Variants in VAV2 observed in about 807,000 individuals in gnomAD.
VAV2 encodes guanine nucleotide exchange factor VAV2.
VAV2 carries 67 observed loss-of-function variants against 132.5 expected under a neutral mutation model. The ratio of observed to expected loss-of-function variants is 0.51; its 90% CI spans 0.42 to 0.62. The LOEUF (loss-of-function observed/expected upper bound fraction) is 0.62, where lower values mean the gene tolerates loss of function less well. Ranked by LOEUF, VAV2 falls within the 20% of genes least tolerant of loss-of-function variation. VAV2 has a pLI of 0.00. For synonymous variants in VAV2, 492 were observed against 443.5 expected, an observed-to-expected ratio of 1.11 and a Z score of -1.37; for missense variants, 938 against 1,153.6, an observed-to-expected ratio of 0.81 and a Z score of 2.71.
intron 3 of VAV2, among the ~76,000 whole-genome samples, chr9:133,852,829 G>T (rs145964186): frequency 2.6e-5 from 4 of 152,130 alleles, no homozygotes; most frequent in Non-Finnish European, 4.4e-5. Context: ...CCTGCCACTC[G>T]GCTAGGGGTG....
Position 133,834,588 on chromosome 9 carries a change from G to A in VAV2, c.381-248C>T, listed in dbSNP as rs182522459. 2.0e-5 allele frequency among the ~76,000 whole-genome samples: 3 copies of A among 152,364 alleles called. No individual in the cohort carries two copies. The highest frequency in any genetic ancestry group is 3.9e-4 in the East Asian group (2 of 5,180). On this transcript the variant is annotated intron_variant, in intron 3 of 29. Coordinates refer to ENST00000371850, the MANE Select transcript of VAV2 (RefSeq NM_001134398.2). This position sits in a 1 kb window ranked among gnomAD's most constrained non-coding sequence, Gnocchi z 5.9. ...GCAAGGAATGTGTCACGCCCACTCC[G>A]GGCTCCGGGTGTCCAGTGGGAAGAC...
chr9:133,847,962 A>G (rs1179192967), intron 3 of VAV2, among the ~76,000 whole-genome samples: 1 of 152,150 alleles, frequency 6.6e-6, no homozygotes, highest in Non-Finnish European at 1.5e-5. Context: ...CTTCAACAGC[A>G]ATGGGTCTCC....
intron 19 of VAV2, among the ~76,000 whole-genome samples, chr9:133,782,107 G>A (rs546672208): frequency 3.6e-5 from 5 of 138,812 alleles, no homozygotes; most frequent in South Asian, 2.2e-4. Context: ...CGGCGGGGGC[G>A]GGGCGGGGGA....
chr9:133,851,184 T>G (rs1387785480), intron 3 of VAV2, among the ~76,000 whole-genome samples: 1 of 152,196 alleles, frequency 6.6e-6, no homozygotes, highest in Non-Finnish European at 1.5e-5. Flanking sequence ...GGAGACAACT[T>G]TGCAGCCATG....
chr9:133,869,987 A>T lies in VAV2; in HGVS notation c.322-8555T>A, dbSNP rs575282331. 4.6e-5 allele frequency among the ~76,000 whole-genome samples: 7 copies of T among 152,330 alleles called. No homozygotes were observed. In the East Asian group the frequency reaches 1.2e-3, roughly 25 times the overall value. ...CATTATAAATTACTTTCTCTAACTC[A>T]GCCTGTGTTATCCTTCATTTTTTTT... On this transcript the variant is annotated intron_variant, in intron 2 of 29. Transcript: ENST00000371850.
At position 133,823,817 on chromosome 9, in the gene VAV2, G is replaced by A. The variant is rs1487251480; in HGVS notation, c.449+10455C>T. ...AGTCCTGAAAGCACTCGAGTTTAAC[G>A]AGGTATTAAAAATGAAAACCCCTGG... On this transcript the variant is annotated intron_variant, in intron 4 of 29. Coordinates refer to ENST00000371850, the MANE Select transcript of VAV2 (RefSeq NM_001134398.2). The surrounding 1 kb of genome is among the most constrained non-coding windows in gnomAD (Gnocchi z 5.5). Among the ~76,000 whole-genome samples, 3 of 152,178 alleles carry A rather than the reference G, an allele frequency of 2.0e-5. No individual in the cohort carries two copies. The highest frequency in any genetic ancestry group is 6.5e-5 in the Admixed American group (1 of 15,280).
chr9:133,870,593 C>T (rs1231590123), intron 2 of VAV2, among the ~76,000 whole-genome samples: 1 of 152,150 alleles, frequency 6.6e-6, no homozygotes, highest in Non-Finnish European at 1.5e-5. Flanking sequence ...GTCTGAGAGA[C>T]CACCTGAGCC....
At chr9:133,970,419 C>A (rs1842291209) in intron 1 of VAV2, among the ~76,000 whole-genome samples, 1 of 152,222 alleles carries the variant, frequency 6.6e-6, no homozygotes, top group Non-Finnish European at 1.5e-5. Flanking sequence ...CACGAGGCCA[C>A]CGAGGCTCAC....
At chr9:133,809,182 C>T (rs761200080) in intron 6 of VAV2, 44 bp from the exon 7 acceptor site, 2 of 1,519,452 alleles carry the variant, frequency 1.3e-6, no homozygotes, top group Non-Finnish European at 1.8e-6. Context: ...ATGGGCCCGG[C>T]CACCTGCCAC....
At chr9:133,810,009 G>A (rs1219093192) in intron 6 of VAV2, among the ~76,000 whole-genome samples, 182 bp downstream of exon 6, 1 of 152,172 alleles carries the variant, frequency 6.6e-6, no homozygotes, top group East Asian at 1.9e-4. Flanking sequence ...GTGCAAGATG[G>A]GGCTGTGGGT....
chr9:133,856,753 T>C (rs2131854295), intron 3 of VAV2, among the ~76,000 whole-genome samples: 1 of 152,316 alleles, frequency 6.6e-6, no homozygotes, highest in South Asian at 2.1e-4. Context: ...CTTTTCCAGC[T>C]TCCGAAGCTG....
chr9:133,788,239 C>CCCCCAAAACCGG lies in VAV2; in HGVS notation c.1407+114_1407+115insCCGGTTTTGGGG. 8.3e-7 allele frequency: 1 copy of CCCCCAAAACCGG among 1,204,924 alleles called. No individual in the cohort carries two copies. Among genetic ancestry groups the CCCCCAAAACCGG allele is most frequent in the Non-Finnish European group, 1.2e-6 (1 of 859,294 alleles). The allele number at this position is 1,204,924 out of a possible 1,614,324, so 74.6% of individuals were successfully genotyped here. On this transcript the variant is annotated intron_variant, in intron 15 of 29. Transcript: ENST00000371850. This position sits in a 1 kb window ranked among gnomAD's most constrained non-coding sequence, Gnocchi z 5.3. The stretch of plus-strand genomic sequence containing the variant: ...GCGGAGACGCCCACCCCAACCCACC[C>CCCCCAAAACCGG]GGCCAGCATCAGCGGCTGACTTCGA...
At chr9:133,940,709 T>TGTGTGTGTGTGTGTGTGTG in intron 1 of VAV2, among the ~76,000 whole-genome samples, 1 of 105,308 alleles carries the variant, frequency 9.5e-6, no homozygotes, top group Admixed American at 9.8e-5. Context: ...GTGTGTGTGT[T>TGTGTGTGTGTGTGTGTGTG]TCTGAACACT....
At chr9:133,854,120 AC>A (rs1837292909) in intron 3 of VAV2, among the ~76,000 whole-genome samples, 1 of 89,450 alleles carries the variant, frequency 1.1e-5, no homozygotes, top group Non-Finnish European at 2.1e-5. Context: ...TACCCCTTGC[AC>A]CTGCACACAC....
At chr9:133,851,932 GATGGATGGATGGATGGATAC>G (rs1837200708) in intron 3 of VAV2, among the ~76,000 whole-genome samples, 1 of 151,798 alleles carries the variant, frequency 6.6e-6, no homozygotes, top group East Asian at 1.9e-4. Context: ...TGGATGGATG[GATGGATGGATGGATGGATAC>G]ATGGATGTAT....
At chr9:133,980,030 C>T (rs73662360) in intron 1 of VAV2, among the ~76,000 whole-genome samples, 1,649 of 152,340 alleles carry the variant, frequency 0.011, 27 homozygotes, top group African/African-American at 0.038. Context: ...AGCCAGTGCG[C>T]GACACACAGA....
chr9:133,938,839 T>C (rs1257774188), intron 2 of VAV2, among the ~76,000 whole-genome samples: 5 of 152,184 alleles, frequency 3.3e-5, no homozygotes, highest in African/African-American at 1.2e-4. Flanking sequence ...CCCACCCGCC[T>C]GAATTCGTCA....
In VAV2 at chr9:133,827,173, C is replaced by T. The variant is rs144579880; in HGVS notation, c.449+7099G>A. ...AGGAAGAAGCCAATGTGCCACCTAC[C>T]GCTGCGCCCACTGGGGCTGACCACT... On this transcript the variant is annotated intron_variant, in intron 4 of 29. Transcript: ENST00000371850. 2.3e-3 allele frequency among the ~76,000 whole-genome samples: 349 copies of T among 150,390 alleles called. 8 individuals carry two copies. Among genetic ancestry groups the T allele is most frequent in the South Asian group, 5.1e-3 (24 of 4,716 alleles).
chr9:133,892,436 C>A (rs988518199), intron 2 of VAV2, among the ~76,000 whole-genome samples: 1 of 151,940 alleles, frequency 6.6e-6, no homozygotes, highest in South Asian at 2.1e-4. Context: ...CATTAGAGCA[C>A]CCTTACCAGT....
Sources: allele counts gnomAD v4.1 joint callset (sites outside exome capture counted in the v4.1 genomes callset), GRCh38; gene constraint gnomAD v4.1.1; non-coding constraint Gnocchi (gnomAD v3.1); transcripts MANE v1.5; gene names NCBI Gene and HGNC (gene_info 2026-07-23, HGNC 2026-07-21).